Variants in CSMD1 observed in about 807,000 individuals in gnomAD.
CSMD1 encodes the protein CUB and sushi domain-containing protein 1.
CSMD1 carries 213 observed loss-of-function variants against 417.5 expected under a neutral mutation model. The ratio of observed to expected loss-of-function variants is 0.51; its 90% CI spans 0.46 to 0.57. CSMD1 has a LOEUF of 0.57. CSMD1 is among the 20% of genes least tolerant of loss of function. The pLI, the probability that CSMD1 is intolerant of heterozygous loss-of-function variation, is 0.00. For synonymous variants in CSMD1, 2,862 were observed against 1,736.8 expected, an observed-to-expected ratio of 1.65 and a Z score of -16.11; for missense variants, 6,923 against 4,529.7, an observed-to-expected ratio of 1.53 and a Z score of -15.17.
At chr8:3,594,365 C>T (rs760648864) in intron 8 of CSMD1, among the ~76,000 whole-genome samples, 1 of 151,946 alleles carries the variant, frequency 6.6e-6, no homozygotes, top group African/African-American at 2.4e-5. Flanking sequence ...AGAACTTATG[C>T]TGGAAACTGA....
rs1243095057 is a variant in CSMD1, at chr8:4,079,395, T to A, written c.416-47296A>T. Among the ~76,000 whole-genome samples the A allele has an allele frequency of 2.6e-5, 4 of 152,212 alleles. 1 individual carries two copies. Among genetic ancestry groups the A allele is most frequent in the Admixed American group, 2.6e-4 (4 of 15,278 alleles). Reference sequence around the variant, plus strand: ...TAATCAGGCATTCTATTCAGTTTTGTCATGTCTATTTTAACTCTGGCTAAA... The same window carrying A: ...TAATCAGGCATTCTATTCAGTTTTGACATGTCTATTTTAACTCTGGCTAAA... On this transcript the variant is annotated intron_variant, in intron 3 of 69. Coordinates refer to ENST00000635120, the MANE Select transcript of CSMD1 (RefSeq NM_033225.6).
intron 7 of CSMD1, among the ~76,000 whole-genome samples, chr8:3,630,891 G>C (rs1796752270): frequency 6.6e-6 from 1 of 152,160 alleles, no homozygotes; most frequent in Admixed American, 6.5e-5. Context: ...ATATGCATGT[G>C]TGTCTGGATT....
At chr8:4,251,510 A>C (rs1473058737) in intron 3 of CSMD1, among the ~76,000 whole-genome samples, 1 of 152,198 alleles carries the variant, frequency 6.6e-6, no homozygotes, top group Non-Finnish European at 1.5e-5. Flanking sequence ...CAAGATAGTT[A>C]TATCAAAATA....
intron 3 of CSMD1, among the ~76,000 whole-genome samples, chr8:4,219,032 C>T (rs1300307603): frequency 6.6e-6 from 1 of 152,140 alleles, no homozygotes; most frequent in South Asian, 2.1e-4. Context: ...TGTGTCATTT[C>T]CCACTAAAAT....
chr8:4,263,152 G>A (rs756442362), intron 3 of CSMD1, among the ~76,000 whole-genome samples: 10 of 152,008 alleles, frequency 6.6e-5, no homozygotes, highest in African/African-American at 9.7e-5. Flanking sequence ...AATGTATTAC[G>A]TAAAAGCAAT....
Position 3,511,653 on chromosome 8 carries a change from G to C in CSMD1, c.1345-17927C>G, listed in dbSNP as rs368648389. Reference sequence around the variant, plus strand: ...GATGTCTGTGATCCCAGCTACTCAGGAGGCAAAGGCAGGAGAATCCCTTGA... The same window carrying C: ...GATGTCTGTGATCCCAGCTACTCAGCAGGCAAAGGCAGGAGAATCCCTTGA... On this transcript the variant is annotated intron_variant, in intron 10 of 69. Transcript: ENST00000635120. 1.0e-4 allele frequency among the ~76,000 whole-genome samples: 15 copies of C among 149,820 alleles called. No homozygotes were observed. The East Asian group carries it at 2.5e-3, about 25-fold the overall frequency.
chr8:4,288,444 C>G (rs1797181327), intron 3 of CSMD1, among the ~76,000 whole-genome samples: 1 of 152,210 alleles, frequency 6.6e-6, no homozygotes, highest in Non-Finnish European at 1.5e-5. Flanking sequence ...CAATTCAATG[C>G]TGTAGCCATT....
At chr8:3,901,397 C>G (rs779745340) in intron 5 of CSMD1, among the ~76,000 whole-genome samples, 3 of 152,250 alleles carry the variant, frequency 2.0e-5, no homozygotes, top group Non-Finnish European at 4.4e-5. Flanking sequence ...TTCAGTAAAC[C>G]TTCATCTTCC....
At chr8:4,250,602 T>C (rs747821876) in intron 3 of CSMD1, among the ~76,000 whole-genome samples, 11 of 152,210 alleles carry the variant, frequency 7.2e-5, no homozygotes, top group Non-Finnish European at 8.8e-5. Context: ...TTATAATTGA[T>C]AGGTCTACCA....
chr8:3,823,407 G>A (rs886128062), intron 5 of CSMD1, among the ~76,000 whole-genome samples: 1 of 152,130 alleles, frequency 6.6e-6, no homozygotes, highest in Non-Finnish European at 1.5e-5. Flanking sequence ...TTCAAGGCAA[G>A]GGATGATATT....
chr8:3,049,317 A>T (rs539830676), intron 50 of CSMD1, among the ~76,000 whole-genome samples: 21 of 152,312 alleles, frequency 1.4e-4, no homozygotes, highest in African/African-American at 3.6e-4. Context: ...CAATTGTAAA[A>T]CTTGGAAGCA....
chr8:4,382,852 G>T (rs1445445696), intron 3 of CSMD1, among the ~76,000 whole-genome samples: 1 of 152,138 alleles, frequency 6.6e-6, no homozygotes, highest in Admixed American at 6.6e-5. Context: ...TACACATTTT[G>T]CCTACAAGGA....
chr8:3,986,364 A>T (rs1200023419), intron 5 of CSMD1, among the ~76,000 whole-genome samples: 1 of 151,906 alleles, frequency 6.6e-6, no homozygotes, highest in Non-Finnish European at 1.5e-5. Context: ...GCACTGAGAC[A>T]CCCCCAGCCA....
intron 6 of CSMD1, among the ~76,000 whole-genome samples, chr8:3,718,485 G>A (rs1214045275): frequency 2.0e-5 from 3 of 152,158 alleles, no homozygotes; most frequent in East Asian, 3.8e-4. Context: ...GAAAGACAGA[G>A]GTACTTACTT....
intron 5 of CSMD1, among the ~76,000 whole-genome samples, chr8:3,771,683 G>C (rs1370422635): frequency 6.6e-6 from 1 of 152,174 alleles, no homozygotes; most frequent in Non-Finnish European, 1.5e-5. Context: ...AGAGAACGGA[G>C]AGGCCCCTAA....
At chr8:4,020,813 G>C (rs991961645) in intron 4 of CSMD1, among the ~76,000 whole-genome samples, 2 of 152,124 alleles carry the variant, frequency 1.3e-5, no homozygotes, top group African/African-American at 4.8e-5. Context: ...AAACTTTTTA[G>C]ATTAATCAAG....
intron 30 of CSMD1, among the ~76,000 whole-genome samples, chr8:3,209,416 A>C (rs970755669): frequency 1.3e-5 from 2 of 152,150 alleles, no homozygotes; most frequent in East Asian, 1.9e-4. Flanking sequence ...TCCCGGGTTC[A>C]TGCCATTCTC....
At chr8:4,889,966 T>G (rs1158855947) in intron 1 of CSMD1, among the ~76,000 whole-genome samples, 1 of 152,132 alleles carries the variant, frequency 6.6e-6, no homozygotes, top group African/African-American at 2.4e-5. Context: ...TTCAACTACA[T>G]CACAACTATG....
intron 1 of CSMD1, among the ~76,000 whole-genome samples, chr8:4,659,726 T>C (rs1804466173): frequency 6.6e-6 from 1 of 152,142 alleles, no homozygotes; most frequent in Admixed American, 6.5e-5. Flanking sequence ...GAGGTGGTAG[T>C]TATACAACAT....
Sources: allele counts gnomAD v4.1 joint callset (sites outside exome capture counted in the v4.1 genomes callset), GRCh38; gene constraint gnomAD v4.1.1; transcripts MANE v1.5; gene names NCBI Gene and HGNC (gene_info 2026-07-23, HGNC 2026-07-21).